GABRA3: variants seen among roughly 807,000 people sequenced by gnomAD.
GABRA3 encodes gamma-aminobutyric acid type A receptor subunit alpha3, also known as gamma-aminobutyric acid receptor subunit alpha-3.
In GABRA3, 10 loss-of-function variants were observed where a neutral mutation model predicts 30.1. The observed-to-expected ratio is 0.33, with a 90% CI of 0.20 to 0.56. The LOEUF (loss-of-function observed/expected upper bound fraction) is 0.56. Among genes scored for constraint, GABRA3 ranks in the 20% least tolerant of loss-of-function variants. GABRA3 has a pLI of 0.89. For missense variants in GABRA3, 233 were observed against 392.0 expected (o/e 0.59, Z 3.42); for synonymous variants, 151 against 146.8 (o/e 1.03, Z -0.21).
chrX:152,376,743 A>G (rs750492426), intron 1 of GABRA3, among the ~76,000 whole-genome samples: 1 of 111,868 alleles, frequency 8.9e-6, no homozygotes, highest in South Asian at 3.7e-4. Flanking sequence ...TTAATCATCT[A>G]CATTCTGCCT....
At chrX:152,413,754 C>G (rs1930133362) in intron 1 of GABRA3, among the ~76,000 whole-genome samples, 1 of 110,273 alleles carries the variant, frequency 9.1e-6, no homozygotes, top group Non-Finnish European at 1.9e-5. Context: ...GTTCTTACCA[C>G]TTTTATTTAA....
At position 152,444,748 on chromosome X, in the gene GABRA3, G is replaced by GT. The variant is rs1569426323; in HGVS notation, c.-27+6397dup. On this transcript the variant is annotated intron_variant, in intron 1 of 9. Transcript: ENST00000370314. ...AATACTTGTGTGTTTTTTTTTTTTT[G>GT]TTTTTTTTTGTTTGTTTGTTTGTTT... Among the ~76,000 whole-genome samples, 107 of 47,714 alleles carry GT rather than the reference G, an allele frequency of 2.2e-3. 8 individuals are homozygous for GT. Among genetic ancestry groups the GT allele is most frequent in the Non-Finnish European group, 3.2e-3 (97 of 30,463 alleles). 41.4% of individuals were successfully genotyped at this position (47,714 alleles called of 115,157 possible). A position where few individuals can be genotyped will look rare whatever the true frequency, so the allele number is the denominator to read the frequency against.
At chrX:152,342,625 T>C (rs745664313) in intron 3 of GABRA3, among the ~76,000 whole-genome samples, 12 of 112,263 alleles carry the variant, frequency 1.1e-4, no homozygotes, top group Admixed American at 3.8e-4. Flanking sequence ...TCAAATTTTT[T>C]GACTGGAAAC....
At chrX:152,276,806 A>G (rs935944411) in intron 4 of GABRA3, among the ~76,000 whole-genome samples, 21 of 112,080 alleles carry the variant, frequency 1.9e-4, no homozygotes, top group African/African-American at 6.8e-4. Flanking sequence ...TCAAAACACA[A>G]AAGCCACTAT....
chrX:152,170,590 A>T (rs1936990921), intron 9 of GABRA3, among the ~76,000 whole-genome samples: 1 of 112,216 alleles, frequency 8.9e-6, no homozygotes, highest in African/African-American at 3.2e-5. Flanking sequence ...CACTGGGATT[A>T]CAGGTGCAAG....
intron 5 of GABRA3, among the ~76,000 whole-genome samples, chrX:152,241,111 T>C (rs1603223123): frequency 9.4e-6 from 1 of 106,925 alleles, no homozygotes; most frequent in East Asian, 3.0e-4. Flanking sequence ...GTTCTGTTTT[T>C]TCCCCATCTT....
intron 7 of GABRA3, among the ~76,000 whole-genome samples, chrX:152,202,783 G>A (rs1268679348): frequency 3.6e-5 from 4 of 111,756 alleles, no homozygotes; most frequent in Admixed American, 1.9e-4. Flanking sequence ...GATTATATTC[G>A]AGATGTAAAT....
intron 3 of GABRA3, among the ~76,000 whole-genome samples, chrX:152,312,268 G>A (rs759059519): frequency 6.3e-5 from 7 of 111,907 alleles, no homozygotes; most frequent in Non-Finnish European, 1.3e-4. Flanking sequence ...AAACAGTATG[G>A]CACTAGAACA....
At chrX:152,235,953 ATTTC>A (rs1938196278) in intron 5 of GABRA3, among the ~76,000 whole-genome samples, 1 of 74,858 alleles carries the variant, frequency 1.3e-5, no homozygotes, top group African/African-American at 6.6e-5. Flanking sequence ...GCACTATTTG[ATTTC>A]TTTTTTTTTT....
intron 3 of GABRA3, among the ~76,000 whole-genome samples, chrX:152,342,626 G>T (rs1015121861): frequency 2.2e-4 from 24 of 111,331 alleles, no homozygotes; most frequent in African/African-American, 7.2e-4. Context: ...CAAATTTTTT[G>T]ACTGGAAACT....
At chrX:152,237,999 G>C (rs1460482893) in intron 5 of GABRA3, among the ~76,000 whole-genome samples, 1 of 109,386 alleles carries the variant, frequency 9.1e-6, no homozygotes, top group Admixed American at 9.8e-5. Context: ...TCTCCTGCCT[G>C]ATTGCCCTGG....
At chrX:152,275,256 A>AAT (rs1569378419) in intron 4 of GABRA3, among the ~76,000 whole-genome samples, 1 of 48,136 alleles carries the variant, frequency 2.1e-5, no homozygotes, top group African/African-American at 1.5e-4. Context: ...TATATAATAA[A>AAT]ATATATATAA....
chrX:152,261,415 T>C (rs1192761212), intron 4 of GABRA3, among the ~76,000 whole-genome samples: 1 of 112,057 alleles, frequency 8.9e-6, no homozygotes, highest in Non-Finnish European at 1.9e-5. Context: ...TTTCCACCTA[T>C]GAGCCTGTAA....
intron 3 of GABRA3, among the ~76,000 whole-genome samples, chrX:152,336,716 T>C (rs1940240092): frequency 8.9e-6 from 1 of 111,737 alleles, no homozygotes; most frequent in African/African-American, 3.3e-5. Flanking sequence ...AGTTTCGTAA[T>C]TTGGAGTCTT....
Position 152,425,743 on chromosome X carries a change from C to T in GABRA3, c.-27+25403G>A, listed in dbSNP as rs1379055113. Among the ~76,000 whole-genome samples, 5 of 110,278 alleles carry T rather than the reference C, an allele frequency of 4.5e-5. No homozygotes were observed. In the East Asian group the frequency reaches 1.2e-3, roughly 25 times the overall value. ...CTGTCCTGGTTTCTGCTTGTACTCT[C>T]GCACCTGGAGGAGAGCTGTCCTTAT... is the stretch of plus-strand genomic sequence containing the variant. On this transcript the variant is annotated intron_variant, in intron 1 of 9. Coordinates refer to ENST00000370314, the MANE Select transcript of GABRA3 (RefSeq NM_000808.4).
At chrX:152,272,847 G>T (rs1229976834) in intron 4 of GABRA3, among the ~76,000 whole-genome samples, 2 of 111,326 alleles carry the variant, frequency 1.8e-5, no homozygotes, top group African/African-American at 6.5e-5. Context: ...TTCCCCCTTT[G>T]CTTAGCACTG....
chrX:152,328,729 C>T (rs1383098470), intron 3 of GABRA3, among the ~76,000 whole-genome samples: 2 of 111,173 alleles, frequency 1.8e-5, no homozygotes, highest in Non-Finnish European at 3.8e-5. Context: ...TATGACAAAC[C>T]CACAGCCAAT....
intron 1 of GABRA3, among the ~76,000 whole-genome samples, chrX:152,388,863 TCAAA>T (rs1929400098): frequency 1.8e-5 from 2 of 112,095 alleles, no homozygotes; most frequent in East Asian, 2.8e-4. Context: ...TAATGGACAC[TCAAA>T]CAACTCTGCC....
intron 7 of GABRA3, among the ~76,000 whole-genome samples, chrX:152,204,435 T>C (rs1329432112): frequency 1.8e-5 from 2 of 111,628 alleles, no homozygotes; most frequent in Non-Finnish European, 3.8e-5. Flanking sequence ...GTAGTTATTA[T>C]GTTTATAGAC....
Sources: allele counts gnomAD v4.1 joint callset (sites outside exome capture counted in the v4.1 genomes callset), GRCh38; gene constraint gnomAD v4.1.1; transcripts MANE v1.5; gene names NCBI Gene and HGNC (gene_info 2026-07-23, HGNC 2026-07-21).